SV2C: variants seen among roughly 807,000 people sequenced by gnomAD.
SV2C encodes solute carrier family 22 member B3.
In SV2C, 49 loss-of-function variants were observed where a neutral mutation model predicts 79.7. The observed-to-expected ratio is 0.61, with a 90% confidence interval of 0.49 to 0.78. SV2C has a LOEUF of 0.78. Ranked by LOEUF, SV2C falls within the 30% of genes least tolerant of loss-of-function variation. SV2C has a pLI of 0.00. For synonymous variants in SV2C, 334 were observed against 333.2 expected, an observed-to-expected ratio of 1.00 and a Z score of -0.03; for missense variants, 833 against 912.9, an observed-to-expected ratio of 0.91 and a Z score of 1.13.
At chr5:76,307,676 G>A (rs557519479) in intron 12 of SV2C, among the ~76,000 whole-genome samples, 12 of 152,176 alleles carry the variant, frequency 7.9e-5, no homozygotes, top group Admixed American at 5.2e-4. Flanking sequence ...TTATAGTTCC[G>A]CAGGTCCCTG....
chr5:76,169,058 G>T (rs1235324316), intron 2 of SV2C, among the ~76,000 whole-genome samples: 3 of 152,284 alleles, frequency 2.0e-5, no homozygotes, highest in Admixed American at 6.5e-5. Flanking sequence ...GAGTCAGGCA[G>T]TTCTACTACT....
At chr5:76,255,908 T>C (rs959462460) in intron 4 of SV2C, among the ~76,000 whole-genome samples, 2 of 152,216 alleles carry the variant, frequency 1.3e-5, no homozygotes, top group African/African-American at 4.8e-5. Flanking sequence ...AGGGCTCAGA[T>C]TCTTACAATC....
At chr5:76,026,692 G>T in the SV2C span, among the ~76,000 whole-genome samples, 1 of 152,170 alleles carries the variant, frequency 6.6e-6, no homozygotes, top group Non-Finnish European at 1.5e-5. Context: ...GTCGGAGTGG[G>T]GTGAATAAAA....
the SV2C span, among the ~76,000 whole-genome samples, chr5:75,995,565 A>G: frequency 6.6e-5 from 10 of 152,196 alleles, no homozygotes; most frequent in Non-Finnish European, 1.2e-4. Flanking sequence ...GAAACAAAAT[A>G]TGAAGGAAGA....
chr5:76,271,616 C>CTTTTTTTTTTTTTTTTTTT (rs34458409), intron 4 of SV2C, among the ~76,000 whole-genome samples: 19 of 96,070 alleles, frequency 2.0e-4, no homozygotes, highest in Non-Finnish European at 2.6e-4. Context: ...AGCATGTGTT[C>CTTTTTTTTTTTTTTTTTTT]TTTTTTTTTT....
At chr5:76,092,198 AT>A (rs1235834286) in intron 1 of SV2C, among the ~76,000 whole-genome samples, 66 of 152,312 alleles carry the variant, frequency 4.3e-4, no homozygotes, top group Non-Finnish European at 5.9e-5. Context: ...GACCTTACAT[AT>A]TTTACTTTAT....
At chr5:76,294,147 G>T (rs1453315549) in intron 8 of SV2C, among the ~76,000 whole-genome samples, 1 of 152,102 alleles carries the variant, frequency 6.6e-6, no homozygotes, top group Admixed American at 6.5e-5. Flanking sequence ...CTTATCTTAG[G>T]AGGTACTACT....
the SV2C span, among the ~76,000 whole-genome samples, chr5:76,027,488 A>G: frequency 8.4e-6 from 1 of 118,406 alleles, no homozygotes; most frequent in Admixed American, 8.5e-5. Flanking sequence ...ATTTCTTGAA[A>G]CATTTATTTA....
At chr5:76,142,962 C>T (rs1280611600) in intron 2 of SV2C, among the ~76,000 whole-genome samples, 1 of 142,600 alleles carries the variant, frequency 7.0e-6, no homozygotes, top group Admixed American at 7.4e-5. Flanking sequence ...GGTGCAATCT[C>T]GGCTCACTAC....
chr5:76,036,491 C>T, the SV2C span, among the ~76,000 whole-genome samples: 10 of 151,928 alleles, frequency 6.6e-5, no homozygotes, highest in African/African-American at 2.4e-4. Flanking sequence ...TTTTATTTCT[C>T]CTTCACTTAT....
the SV2C span, among the ~76,000 whole-genome samples, chr5:75,927,479 T>C: frequency 1.8e-4 from 28 of 151,866 alleles, no homozygotes; most frequent in Non-Finnish European, 3.2e-4. Context: ...AGAATGGTGA[T>C]TGCTACGGGA....
intron 2 of SV2C, among the ~76,000 whole-genome samples, chr5:76,178,912 G>T (rs1327769744): frequency 6.6e-6 from 1 of 152,204 alleles, no homozygotes; most frequent in Admixed American, 6.5e-5. Context: ...GAGGAGGACT[G>T]CAGTTTGAGT....
chr5:76,144,309 A>G (rs181488319), intron 2 of SV2C, among the ~76,000 whole-genome samples: 297 of 152,302 alleles, frequency 2.0e-3, no homozygotes, highest in African/African-American at 6.9e-3. Context: ...TGAAAACCCT[A>G]ACGAAAGCAC....
intron 4 of SV2C, among the ~76,000 whole-genome samples, chr5:76,257,320 AGT>A (rs1201962216): frequency 1.9e-4 from 27 of 143,684 alleles, no homozygotes; most frequent in Non-Finnish European, 3.2e-4. Context: ...TATGGTGTGT[AGT>A]GTGTGTGTGG....
chr5:76,264,943 C>G (rs1274217642), intron 4 of SV2C, among the ~76,000 whole-genome samples: 1 of 152,172 alleles, frequency 6.6e-6, no homozygotes, highest in African/African-American at 2.4e-5. Context: ...GCAGTCTGTC[C>G]CTTGGTAGAG....
At chr5:75,956,306 A>C in the SV2C span, among the ~76,000 whole-genome samples, 11 of 147,488 alleles carry the variant, frequency 7.5e-5, no homozygotes, top group African/African-American at 2.2e-4. Flanking sequence ...ACAAAAAACC[A>C]AACACTGCAT....
chr5:76,297,873 TC>T, intron 9 of SV2C, among the ~76,000 whole-genome samples: 1 of 152,256 alleles, frequency 6.6e-6, no homozygotes, highest in African/African-American at 2.4e-5. Flanking sequence ...ACATAACAAC[TC>T]CTTCCCGAGG....
At chr5:75,884,364 T>G in the SV2C span, among the ~76,000 whole-genome samples, 1 of 152,188 alleles carries the variant, frequency 6.6e-6, no homozygotes, top group African/African-American at 2.4e-5. Context: ...AAACTGTGCA[T>G]AATTAGAGAC....
the SV2C span, among the ~76,000 whole-genome samples, chr5:75,868,831 T>C: frequency 6.6e-6 from 1 of 152,168 alleles, no homozygotes; most frequent in Non-Finnish European, 1.5e-5. Context: ...AACATGTCTC[T>C]GTAAATATGT....
Sources: gnomAD v4.1 joint callset for allele counts (sites outside exome capture counted in the v4.1 genomes callset) on GRCh38, gnomAD v4.1.1 for gene constraint, MANE v1.5 for transcripts, NCBI Gene and HGNC (gene_info 2026-07-23, HGNC 2026-07-21) for gene names.